TRPM6: variants seen among roughly 807,000 people sequenced by gnomAD.
TRPM6 encodes channel kinase 2.
In TRPM6, 111 loss-of-function variants were observed where a neutral mutation model predicts 247.6. The observed-to-expected ratio is 0.45, with a 90% CI of 0.38 to 0.52. The LOEUF (loss-of-function observed/expected upper bound fraction) is 0.52, where lower values mean the gene tolerates loss of function less well. Among genes scored for constraint, TRPM6 ranks in the 20% least tolerant of loss-of-function variants. TRPM6 has a pLI of 0.00. For missense variants in TRPM6, 2,126 were observed against 2,421.5 expected (o/e 0.88, Z 2.56); for synonymous variants, 892 against 853.8 (o/e 1.04, Z -0.78).
At chr9:74,801,215 G>A (rs938550503) in intron 16 of TRPM6, among the ~76,000 whole-genome samples, 1 of 143,056 alleles carries the variant, frequency 7.0e-6, no homozygotes, top group African/African-American at 2.6e-5. Context: ...TGAGATTAAA[G>A]GTGTGAGCCA....
chr9:74,789,433 TAC>T (rs1827815528), intron 19 of TRPM6, among the ~76,000 whole-genome samples: 1 of 152,236 alleles, frequency 6.6e-6, no homozygotes, highest in Non-Finnish European at 1.5e-5. Flanking sequence ...CACATATAGA[TAC>T]ATAGTGATTA....
chr9:74,817,318 C>T (rs1214640910), intron 9 of TRPM6, among the ~76,000 whole-genome samples: 1 of 152,174 alleles, frequency 6.6e-6, no homozygotes, highest in African/African-American at 2.4e-5. Flanking sequence ...CCTTCATTCA[C>T]CTAGCCTTGG....
At chr9:74,748,016 A>T in intron 30 of TRPM6, 102 bp from the exon 31 acceptor site, 1 of 1,064,016 alleles carries the variant, frequency 9.4e-7, no homozygotes, top group Non-Finnish European at 1.4e-6. Flanking sequence ...CACAAAGTAT[A>T]TATTTTATAT....
At position 74,788,668 on chromosome 9, in the gene TRPM6, C is replaced by A; in HGVS notation, c.2613G>T (p.Gln871His). 1 of 1,614,098 alleles carries A rather than the reference C, an allele frequency of 6.2e-7. No individual in the cohort carries two copies. The highest frequency in any genetic ancestry group is 1.1e-5 in the South Asian group (1 of 91,082). Residue 871 changes from glutamine to histidine, a missense_variant, in exon 20 of 39, where the codon CAG becomes CAT. Physicochemically the swap from Gln to His is conservative, Grantham distance 24. This residue lies in a region of TRPM6 where 1,082 missense variants were observed against 1,307.9 expected (regional missense o/e 0.83). Coordinates refer to ENST00000360774, the MANE Select transcript of TRPM6 (RefSeq NM_017662.5). ...LVEMQPQPSV[Q>H]EWLVSIYIFT... is the part of the protein sequence containing the mutation. ...AGATGTAAATGCTAACAAGCCACTC[C>A]TGCACGCTGGGCTGGGGCTGCATCT...
At chr9:74,853,103 A>G (rs1587582233) in intron 3 of TRPM6, among the ~76,000 whole-genome samples, 1 of 136,600 alleles carries the variant, frequency 7.3e-6, no homozygotes, top group East Asian at 2.2e-4. Context: ...CCCGGCCGCG[A>G]CCCCGTCTGG....
chr9:74,855,223 C>T (rs755471382), intron 3 of TRPM6, among the ~76,000 whole-genome samples: 10 of 152,288 alleles, frequency 6.6e-5, no homozygotes, highest in South Asian at 6.2e-4. Flanking sequence ...GTCCCGTATG[C>T]GCATGCAGCA....
At chr9:74,732,908 A>G (rs770625529) in intron 36 of TRPM6, among the ~76,000 whole-genome samples, 172 bp from the exon 37 acceptor site, 3 of 152,200 alleles carry the variant, frequency 2.0e-5, no homozygotes, top group Non-Finnish European at 4.4e-5. Flanking sequence ...CAAGTAAAAA[A>G]TCTGGCTGGG....
chr9:74,743,428 C>A (rs1273352765), intron 32 of TRPM6, among the ~76,000 whole-genome samples: 3 of 152,226 alleles, frequency 2.0e-5, no homozygotes, highest in African/African-American at 4.8e-5. Context: ...ATGCTGAGAG[C>A]AATGACTCCC....
rs140446304 is a variant in TRPM6, at chr9:74,804,280, G to T, written c.1639-394C>A. 9.3e-3 allele frequency among the ~76,000 whole-genome samples: 1,412 copies of T among 152,228 alleles called. 15 individuals carry two copies. Among genetic ancestry groups the T allele is most frequent in the African/African-American group, 0.028 (1,178 of 41,528 alleles). On this transcript the variant is annotated intron_variant, in intron 14 of 38. Transcript: ENST00000360774. ...AAGAAAAAATTCCCATTCACAAGCA[G>T]TTCCAAGGTTAAGGTTAAGTCAGAA...
chr9:74,836,504 C>A (rs575794883), intron 5 of TRPM6, among the ~76,000 whole-genome samples: 6 of 152,306 alleles, frequency 3.9e-5, no homozygotes, highest in Middle Eastern at 3.4e-3. Context: ...AAGTGTGGAG[C>A]CATCCACCCC....
intron 25 of TRPM6, among the ~76,000 whole-genome samples, chr9:74,765,640 C>A (rs1826802811): frequency 6.6e-6 from 1 of 152,092 alleles, no homozygotes. Context: ...AAAAATGATT[C>A]CCGCTCTTAT....
intron 17 of TRPM6, among the ~76,000 whole-genome samples, chr9:74,798,816 C>A (rs760356342): frequency 1.7e-4 from 26 of 152,188 alleles, no homozygotes; most frequent in Non-Finnish European, 2.5e-4. Context: ...ATTATTAACT[C>A]ACTCTATCTT....
rs1188518107 is a variant in TRPM6, at chr9:74,746,128, A to G, written c.5083+1761T>C. Among the ~76,000 whole-genome samples the G allele has an allele frequency of 2.0e-5, 3 of 151,860 alleles. No homozygotes were observed. In the East Asian group the frequency reaches 5.8e-4, roughly 30 times the overall value. ...GTGGTGGGTTCCTGTAGTCCCAGCT[A>G]CTCGGGAGGCTGAGGCAGGAGAATG... On this transcript the variant is annotated intron_variant, in intron 31 of 38. Coordinates refer to ENST00000360774, the MANE Select transcript of TRPM6 (RefSeq NM_017662.5).
At chr9:74,810,066 T>C (rs1828675366) in intron 13 of TRPM6, among the ~76,000 whole-genome samples, 1 of 150,762 alleles carries the variant, frequency 6.6e-6, no homozygotes, top group Non-Finnish European at 1.5e-5. Flanking sequence ...AAAGCTCACA[T>C]TCCTTCTAAC....
intron 1 of TRPM6, among the ~76,000 whole-genome samples, chr9:74,881,128 C>T (rs1831350254): frequency 6.6e-6 from 1 of 151,724 alleles, no homozygotes; most frequent in Non-Finnish European, 1.5e-5. Context: ...GATCCCATCT[C>T]TACAAAAAAA....
At chr9:74,839,488 C>T (rs899430504) in intron 5 of TRPM6, among the ~76,000 whole-genome samples, 6 of 152,126 alleles carry the variant, frequency 3.9e-5, no homozygotes, top group Non-Finnish European at 8.8e-5. Context: ...TTACCCACAT[C>T]ACTGATTTCC....
chr9:74,873,866 G>T (rs1450350205), intron 1 of TRPM6, among the ~76,000 whole-genome samples: 1 of 145,772 alleles, frequency 6.9e-6, no homozygotes, highest in African/African-American at 2.5e-5. Flanking sequence ...TTTTTATTCA[G>T]AAAAAAAAAA....
At chr9:74,863,082 C>T (rs1185028199) in intron 1 of TRPM6, among the ~76,000 whole-genome samples, 1 of 151,796 alleles carries the variant, frequency 6.6e-6, no homozygotes, top group Non-Finnish European at 1.5e-5. Context: ...GAGTTTCTCT[C>T]GTTGCCCAGA....
At chr9:74,786,179 T>A in intron 20 of TRPM6, 54 bp from the exon 21 acceptor site, 4 of 1,590,844 alleles carry the variant, frequency 2.5e-6, no homozygotes, top group Admixed American at 1.7e-5. Context: ...AAGAATCCCA[T>A]CAATATGATC....
Sources: gnomAD v4.1 joint callset for allele counts (sites outside exome capture counted in the v4.1 genomes callset) on GRCh38, gnomAD v4.1.1 for gene constraint, gnomAD v4.1.1 regional missense constraint, MANE v1.5 for transcripts, NCBI Gene and HGNC (gene_info 2026-07-23, HGNC 2026-07-21) for gene names.